OBI1: variants seen among roughly 807,000 people sequenced by gnomAD.
OBI1 encodes ORC ubiquitin ligase 1.
OBI1 carries 59 observed loss-of-function variants against 62.4 expected under a neutral mutation model. The observed-to-expected ratio is 0.95, with a 90% CI of 0.77 to 1.17. The LOEUF (loss-of-function observed/expected upper bound fraction) is 1.17. Among genes scored for constraint, OBI1 ranks in the 50% most tolerant of loss-of-function variants. OBI1 has a pLI of 0.00. For missense variants in OBI1, 875 were observed against 830.9 expected (o/e 1.05, Z -0.65); for synonymous variants, 302 against 292.8 (o/e 1.03, Z -0.32).
chr13:78,618,036 G>A (rs981228), intron 5 of OBI1, among the ~76,000 whole-genome samples: 54,929 of 151,626 alleles, frequency 0.36, 10,270 homozygotes, highest in East Asian at 0.37. Context: ...ATTTGGGGCT[G>A]GGAACACAAA....
In OBI1 at chr13:78,635,169, AC is replaced by A. The variant is rs1321830050; in HGVS notation, c.578del (p.Gly193ValfsTer4). On this transcript the variant is annotated frameshift_variant, in exon 5 of 6. Coordinates refer to ENST00000282003, the MANE Select transcript of OBI1 (RefSeq NM_024546.4). LOFTEE classifies it high-confidence loss of function. Reference protein sequence around the residue: ...EANKKLKLENGGLVRENLRLK... With the variant: ...EANKKLKLENXGLVRENLRLK... ...GTCGTAAATTCTCCCTCACCAGACC[AC>A]CATTTTCCAATTTCAATTTTTTATT... 1 of 1,609,258 alleles carries A rather than the reference AC, an allele frequency of 6.2e-7. No individual in the cohort carries two copies. Among genetic ancestry groups the A allele is most frequent in the South Asian group, 1.1e-5 (1 of 90,354 alleles).
chr13:78,645,025 C>T (rs1185800227), intron 1 of OBI1, 28 bp from the exon 2 acceptor site: 1 of 1,592,966 alleles, frequency 6.3e-7, no homozygotes, highest in Non-Finnish European at 8.5e-7. Context: ...ACTTTTAGTA[C>T]AGGACAACGG....
chr13:78,637,008 A>G (rs1876050130), intron 4 of OBI1, among the ~76,000 whole-genome samples: 1 of 152,252 alleles, frequency 6.6e-6, no homozygotes, highest in Non-Finnish European at 1.5e-5. Flanking sequence ...TTAGGTGAAT[A>G]AAAGTTATGA....
intron 1 of OBI1, among the ~76,000 whole-genome samples, chr13:78,648,279 A>C (rs1163818563): frequency 6.8e-6 from 1 of 146,686 alleles, no homozygotes; most frequent in African/African-American, 2.5e-5. Flanking sequence ...ACTTCCCCCA[A>C]ACACACACAC....
intron 1 of OBI1, among the ~76,000 whole-genome samples, chr13:78,645,943 C>A (rs1475711567): frequency 1.3e-5 from 2 of 152,224 alleles, no homozygotes; most frequent in African/African-American, 4.8e-5. Context: ...AGCCACCGCG[C>A]CTGGCCTGTA....
chr13:78,640,005 CAAA>C (rs1203182333), intron 3 of OBI1, among the ~76,000 whole-genome samples: 2 of 151,552 alleles, frequency 1.3e-5, no homozygotes, highest in African/African-American at 2.4e-5. Context: ...AAAACAAAAA[CAAA>C]AACAAAAACA....
chr13:78,648,913 C>CAA lies in OBI1; in HGVS notation c.73-3918_73-3917dup, dbSNP rs11385544. On this transcript the variant is annotated intron_variant, in intron 1 of 5. Transcript: ENST00000282003. ...GGGCAACAAGAGCAAAATGCCATCT[C>CAA]AAAAAAAAAAAAAAAGAATCAGTAT... 3.9e-4 allele frequency among the ~76,000 whole-genome samples: 49 copies of CAA among 125,730 alleles called. 1 individual carries two copies. Among genetic ancestry groups the CAA allele is most frequent in the Middle Eastern group, 4.2e-3 (1 of 238 alleles). 82.5% of individuals were successfully genotyped at this position (125,730 alleles called of 152,430 possible). A position where few individuals can be genotyped will look rare whatever the true frequency, so the allele number is the denominator to read the frequency against.
intron 1 of OBI1, among the ~76,000 whole-genome samples, chr13:78,645,525 C>T (rs1185789218): frequency 6.6e-6 from 1 of 152,178 alleles, no homozygotes; most frequent in African/African-American, 2.4e-5. Context: ...AAGGCATGAG[C>T]TTCACTCTCA....
At chr13:78,657,431 T>C (rs936750913) in intron 1 of OBI1, among the ~76,000 whole-genome samples, 2 of 150,422 alleles carry the variant, frequency 1.3e-5, no homozygotes, top group African/African-American at 4.9e-5. Flanking sequence ...ACACAAATGA[T>C]AGTATAGAGG....
intron 1 of OBI1, among the ~76,000 whole-genome samples, chr13:78,657,066 T>C (rs1436650605): frequency 6.6e-6 from 1 of 152,098 alleles, no homozygotes; most frequent in African/African-American, 2.4e-5. Context: ...ATTACAGGCG[T>C]GAGCCACCGC....
chr13:78,633,929 A>C (rs1050123115), intron 5 of OBI1, among the ~76,000 whole-genome samples: 2 of 151,714 alleles, frequency 1.3e-5, no homozygotes, highest in Non-Finnish European at 2.9e-5. Flanking sequence ...TAGCCGGGCG[A>C]GGTGGCGGGT....
Position 78,616,928 on chromosome 13 carries a change from T to A in OBI1, c.833A>T (p.Asp278Val), listed in dbSNP as rs748266536. ...CTCACTGCCTTTGCTCCCTTTGCCA[T>A]CTGCAGAAAGTGCTGTCTGGCAAAT... ...NSICQTALSA[D>V]GKGSKGSEED... Residue 278 changes from aspartate (D) to valine (V), a missense_variant, in exon 6 of 6, where the codon GAT (aspartate) becomes GTT (valine). By Grantham distance (152) the Asp-to-Val change is radical. Coordinates refer to ENST00000282003, the MANE Select transcript of OBI1 (RefSeq NM_024546.4). The A allele has an allele frequency of 6.2e-7, 1 of 1,614,174 alleles. No individual in the cohort carries two copies. Among genetic ancestry groups the A allele is most frequent in the South Asian group, 1.1e-5 (1 of 91,070 alleles).
intron 4 of OBI1, among the ~76,000 whole-genome samples, chr13:78,635,701 C>T (rs911902883): frequency 4.6e-5 from 7 of 152,072 alleles, no homozygotes; most frequent in African/African-American, 1.4e-4. Flanking sequence ...GCTTTTCCAA[C>T]GTTCTGGCTC....
rs1876117862 is a variant in OBI1, at chr13:78,638,987, C to A, written c.385G>T (p.Asp129Tyr). 1.2e-6 allele frequency: 2 copies of A among 1,613,908 alleles called. No homozygotes were observed. Among genetic ancestry groups the A allele is most frequent in the Non-Finnish European group, 1.7e-6 (2 of 1,179,922 alleles). The change falls in exon 4 of 6, where the codon GAT (aspartate) becomes TAT (tyrosine). Residue 129 changes from aspartate (D) to tyrosine (Y), a missense_variant. By Grantham distance (160) the Asp-to-Tyr change is radical (BLOSUM62 -3). Transcript: ENST00000282003. ...SLESQIKTILDPLTLVQGNQN... is the reference protein window; with the variant it reads ...SLESQIKTILYPLTLVQGNQN... ...TTGCCCTGCACCAAGGTTAAAGGAT[C>A]CAGAATAGTTTTGATCTGTGACTCC...
chr13:78,618,317 C>A (rs1297035121), intron 5 of OBI1, among the ~76,000 whole-genome samples: 1 of 151,744 alleles, frequency 6.6e-6, no homozygotes, highest in Non-Finnish European at 1.5e-5. Flanking sequence ...TTATTTTTAT[C>A]TTTGGGTTTA....
intron 3 of OBI1, 90 bp from the exon 4 acceptor site, chr13:78,639,161 T>C (rs1876126481): frequency 3.7e-6 from 5 of 1,362,296 alleles, no homozygotes; most frequent in African/African-American, 2.9e-5. Flanking sequence ...GTTTGAATTT[T>C]GTACTTAAAA....
chr13:78,642,311 A>C lies in OBI1; in HGVS notation c.209-98T>G, dbSNP rs1005629081. The C allele has an allele frequency of 4.0e-6, 3 of 746,476 alleles. No homozygotes were observed. In the African/African-American group the frequency reaches 5.3e-5, roughly 13 times the overall value. 46.2% of individuals were successfully genotyped at this position (746,476 alleles called of 1,614,324 possible). A position where few individuals can be genotyped will look rare whatever the true frequency, so the allele number is the denominator to read the frequency against. ...TTGTTTTATATAGCTTCCCAGCTTCACATCTACCCTTCCCCTTACATACAC... is the reference window on the plus strand; with the variant it reads ...TTGTTTTATATAGCTTCCCAGCTTCCCATCTACCCTTCCCCTTACATACAC... On this transcript the variant is annotated intron_variant, in intron 2 of 5. Coordinates refer to ENST00000282003, the MANE Select transcript of OBI1 (RefSeq NM_024546.4).
At chr13:78,635,297 T>A in intron 4 of OBI1, 99 bp from the exon 5 acceptor site, 1 of 699,710 alleles carries the variant, frequency 1.4e-6, no homozygotes, top group South Asian at 1.8e-5. Flanking sequence ...AGTGATAATA[T>A]CAGAAAACTG....
intron 1 of OBI1, among the ~76,000 whole-genome samples, chr13:78,655,627 G>A (rs1249982101): frequency 1.3e-5 from 2 of 152,124 alleles, no homozygotes; most frequent in African/African-American, 4.8e-5. Context: ...CAGATTTAAT[G>A]CCCTGCCCTC....
Sources: gnomAD v4.1 joint callset for allele counts (sites outside exome capture counted in the v4.1 genomes callset) on GRCh38, gnomAD v4.1.1 for gene constraint, MANE v1.5 for transcripts, NCBI Gene and HGNC (gene_info 2026-07-23, HGNC 2026-07-21) for gene names.